The following SMIM20 variants were observed in gnomAD, a reference collection of about 807,000 sequenced individuals.
The protein encoded by SMIM20 is mitochondrial translation regulation assembly intermediate of cytochrome c oxidase protein of 7 kDa.
A neutral mutation model predicts 8.7 loss-of-function variants in SMIM20; 3 were observed. That is an observed-to-expected ratio of 0.34 (90% confidence interval 0.16 to 0.89). SMIM20 has a LOEUF of 0.89. SMIM20 is among the 40% of genes least tolerant of loss of function. The pLI, the probability that SMIM20 is intolerant of heterozygous loss-of-function variation, is 0.49. For synonymous variants in SMIM20, 44 were observed against 33.6 expected, an observed-to-expected ratio of 1.31 and a Z score of -1.07; for missense variants, 85 against 84.8, an observed-to-expected ratio of 1.00 and a Z score of -0.01.
At chr4:25,915,678 C>T (rs953912330) in intron 1 of SMIM20, among the ~76,000 whole-genome samples, 1 of 152,118 alleles carries the variant, frequency 6.6e-6, no homozygotes, top group Non-Finnish European at 1.5e-5. Context: ...CTTCAGCGGA[C>T]GCCTGCCCCA....
chr4:25,929,297 A>C lies in SMIM20; in HGVS notation c.*106A>C. On this transcript the variant is annotated 3_prime_UTR_variant, in exon 3 of 3. Transcript: ENST00000506197. The stretch of plus-strand genomic sequence containing the variant: ...CCAGAGAATGACGGCTGGAGAAGAA[A>C]ACTCTGTAATACCATAAATAAGAGT... 1.7e-6 allele frequency: 2 copies of C among 1,173,750 alleles called. No individual in the cohort carries two copies. The highest frequency in any genetic ancestry group is 2.5e-6 in the Non-Finnish European group (2 of 813,198). The allele number at this position is 1,173,750 out of a possible 1,614,324, so 72.7% of individuals were successfully genotyped here.
chr4:25,914,250 C>A lies in SMIM20; in HGVS notation c.-64C>A. The A allele has an allele frequency of 6.6e-7, 1 of 1,514,570 alleles. No homozygotes were observed. Among genetic ancestry groups the A allele is most frequent in the South Asian group, 1.2e-5 (1 of 81,074 alleles). 93.8% of individuals were successfully genotyped at this position (1,514,570 alleles called of 1,614,324 possible). A position where few individuals can be genotyped will look rare whatever the true frequency, so the allele number is the denominator to read the frequency against. On this transcript the variant is annotated 5_prime_UTR_variant, in exon 1 of 3. Transcript: ENST00000506197. ...CCGAGCGGGGTCACGGCCCGGCCGT[C>A]GGTAACCTGGTTTCCGAGAGTGCCG...
chr4:25,921,152 C>T lies in SMIM20; in HGVS notation c.109+6730C>T, dbSNP rs79312632. On this transcript the variant is annotated intron_variant, in intron 1 of 2. Transcript: ENST00000506197. ...AATCTGGGGACAGGAAGGCCAGGTA[C>T]GGGAAGGCTGTGTTTCCTGTGACCT... Among the ~76,000 whole-genome samples the T allele has an allele frequency of 7.1e-3, 1,080 of 152,240 alleles. 12 individuals are homozygous for T. Among genetic ancestry groups the T allele is most frequent in the African/African-American group, 0.025 (1,039 of 41,538 alleles).
chr4:25,929,219 AAGG>A lies in SMIM20; in HGVS notation c.*31_*33del, dbSNP rs1187225545. 1 of 1,551,474 alleles carries A rather than the reference AAGG, an allele frequency of 6.4e-7. No individual in the cohort carries two copies. The highest frequency in any genetic ancestry group is 1.4e-5 in the African/African-American group (1 of 73,054). On this transcript the variant is annotated 3_prime_UTR_variant, in exon 3 of 3. Coordinates refer to ENST00000506197, the MANE Select transcript of SMIM20 (RefSeq NM_001145432.3). ...GGGCTGTCATCAGCTCTGATTAAGA[AAGG>A]AGATTTCTTCATGCTTTCGATTCTG...
intron 1 of SMIM20, among the ~76,000 whole-genome samples, chr4:25,918,078 G>A (rs558893136): frequency 3.9e-5 from 6 of 152,124 alleles, no homozygotes; most frequent in Admixed American, 2.6e-4. Context: ...AAGTAGCTGG[G>A]ATTACAGGTG....
chr4:25,919,502 CTAAT>C (rs1329523542), intron 1 of SMIM20, among the ~76,000 whole-genome samples: 2 of 129,178 alleles, frequency 1.5e-5, no homozygotes, highest in Non-Finnish European at 3.7e-5. Flanking sequence ...CCACGCCCGG[CTAAT>C]TTTTTTTTTT....
rs889246672 is a variant in SMIM20, at chr4:25,920,761, A to G, written c.109+6339A>G. Among the ~76,000 whole-genome samples, 3 of 152,174 alleles carry G rather than the reference A, an allele frequency of 2.0e-5. No homozygotes were observed. In the East Asian group the frequency reaches 5.8e-4, roughly 29 times the overall value. On this transcript the variant is annotated intron_variant, in intron 1 of 2. Coordinates refer to ENST00000506197, the MANE Select transcript of SMIM20 (RefSeq NM_001145432.3). ...TCCTATTTGGGTACACCATTTGGAA[A>G]ATCTTTTATACAGTGTTTTTACTGT...
chr4:25,919,155 C>T lies in SMIM20; in HGVS notation c.109+4733C>T, dbSNP rs566392627. Among the ~76,000 whole-genome samples, 10 of 152,002 alleles carry T rather than the reference C, an allele frequency of 6.6e-5. No individual in the cohort carries two copies. In the South Asian group the frequency reaches 1.7e-3, roughly 25 times the overall value. On this transcript the variant is annotated intron_variant, in intron 1 of 2. Coordinates refer to ENST00000506197, the MANE Select transcript of SMIM20 (RefSeq NM_001145432.3). ...TCCTGACCTCATGATCCACCCGCCTCGGCCTCCCAAAGTGCTGGGATTACA... is the reference window on the plus strand; with the variant it reads ...TCCTGACCTCATGATCCACCCGCCTTGGCCTCCCAAAGTGCTGGGATTACA...
intron 1 of SMIM20, among the ~76,000 whole-genome samples, chr4:25,927,664 G>A (rs1213935675): frequency 6.6e-6 from 1 of 152,212 alleles, no homozygotes; most frequent in Non-Finnish European, 1.5e-5. Context: ...AAATGTGTCA[G>A]AGTGCTTCAA....
intron 1 of SMIM20, 21 bp downstream of exon 1, chr4:25,914,443 T>A (rs971924938): frequency 2.7e-5 from 39 of 1,443,618 alleles, no homozygotes; most frequent in African/African-American, 5.7e-5. Context: ...TCTAACCCCT[T>A]GCGGTGACCT....
At chr4:25,927,552 T>C (rs1333542384) in intron 1 of SMIM20, among the ~76,000 whole-genome samples, 1 of 152,240 alleles carries the variant, frequency 6.6e-6, no homozygotes, top group Non-Finnish European at 1.5e-5. Context: ...GTCCTTTGGC[T>C]CTAAGGCTTT....
chr4:25,915,856 G>A lies in SMIM20; in HGVS notation c.109+1434G>A, dbSNP rs867412371. On this transcript the variant is annotated intron_variant, in intron 1 of 2. Transcript: ENST00000506197. ...TTTTTGCTTGTCACAACTTGGGATG[G>A]GGCGGGGGGGGGGTCGAGTGTTGCT... 4.2e-5 allele frequency among the ~76,000 whole-genome samples: 5 copies of A among 117,938 alleles called. No homozygotes were observed. The East Asian group carries it at 1.2e-3, about 29-fold the overall frequency. 77.4% of individuals were successfully genotyped at this position (117,938 alleles called of 152,430 possible). A position where few individuals can be genotyped will look rare whatever the true frequency, so the allele number is the denominator to read the frequency against.
At chr4:25,926,743 TATGAA>T (rs1711520511) in intron 1 of SMIM20, among the ~76,000 whole-genome samples, 1 of 152,262 alleles carries the variant, frequency 6.6e-6, no homozygotes, top group Admixed American at 6.5e-5. Flanking sequence ...TGTCTGATTT[TATGAA>T]ATCTCTAAGT....
intron 1 of SMIM20, among the ~76,000 whole-genome samples, chr4:25,917,383 T>C (rs1719108122): frequency 1.3e-5 from 2 of 152,138 alleles, no homozygotes; most frequent in South Asian, 4.1e-4. Context: ...TATAGTCTTA[T>C]ATTAGATATT....
At chr4:25,929,076 T>C (rs896983936) in intron 2 of SMIM20, 78 bp from the exon 3 acceptor site, 3 of 1,491,232 alleles carry the variant, frequency 2.0e-6, no homozygotes, top group Non-Finnish European at 2.7e-6. Context: ...TCTGATGTCA[T>C]TTTGTTTGTT....
chr4:25,915,859 C>CGG (rs1018553633), intron 1 of SMIM20, among the ~76,000 whole-genome samples: 2 of 40,272 alleles, frequency 5.0e-5, no homozygotes, highest in South Asian at 9.1e-4. Flanking sequence ...TGGGATGGGG[C>CGG]GGGGGGGGGG....
At chr4:25,918,426 A>G (rs956292444) in intron 1 of SMIM20, among the ~76,000 whole-genome samples, 1 of 152,108 alleles carries the variant, frequency 6.6e-6, no homozygotes, top group African/African-American at 2.4e-5. Flanking sequence ...AATTTTTTCT[A>G]ATTATCATTA....
At chr4:25,920,477 A>C (rs576909190) in intron 1 of SMIM20, among the ~76,000 whole-genome samples, 6 of 152,202 alleles carry the variant, frequency 3.9e-5, no homozygotes, top group Non-Finnish European at 8.8e-5. Flanking sequence ...ACAGCTGTAG[A>C]TGTTTGTGTT....
chr4:25,916,632 C>T (rs867601372), intron 1 of SMIM20, among the ~76,000 whole-genome samples: 4 of 152,128 alleles, frequency 2.6e-5, no homozygotes, highest in East Asian at 3.9e-4. Context: ...CTCGGCTCAC[C>T]GCAACCTCTG....
Sources: gnomAD v4.1 joint callset for allele counts (sites outside exome capture counted in the v4.1 genomes callset) on GRCh38, gnomAD v4.1.1 for gene constraint, MANE v1.5 for transcripts, NCBI Gene and HGNC (gene_info 2026-07-23, HGNC 2026-07-21) for gene names.